ATP1B1: variants seen among roughly 807,000 people sequenced by gnomAD.
ATP1B1 encodes the protein ATPase Na+/K+ transporting subunit beta 1, also known as sodium/potassium-transporting ATPase subunit beta-1.
ATP1B1 carries 3 observed loss-of-function variants against 39.6 expected under a neutral mutation model. That is an observed-to-expected ratio of 0.08 (90% CI 0.03 to 0.20). The LOEUF (loss-of-function observed/expected upper bound fraction) is 0.20. ATP1B1 is among the 10% of genes least tolerant of loss of function. The pLI is 1.00. For synonymous variants in ATP1B1, 139 were observed against 135.0 expected (o/e 1.03, Z -0.20); for missense variants, 216 against 371.1 (o/e 0.58, Z 3.43).
chr1:169,112,550 T>C (rs1419343823), intron 2 of ATP1B1, among the ~76,000 whole-genome samples: 1 of 152,216 alleles, frequency 6.6e-6, no homozygotes, highest in East Asian at 1.9e-4. Context: ...TCAGATGATC[T>C]ACGTGGCCCT....
At chr1:169,115,855 T>C (rs1348684028) in intron 2 of ATP1B1, among the ~76,000 whole-genome samples, 1 of 152,264 alleles carries the variant, frequency 6.6e-6, no homozygotes, top group Non-Finnish European at 1.5e-5. Context: ...TTGTATTTGT[T>C]GTGCAGTCTC....
intron 3 of ATP1B1, 78 bp from the exon 4 acceptor site, chr1:169,127,144 GAC>G: frequency 7.0e-7 from 1 of 1,420,190 alleles, no homozygotes; most frequent in South Asian, 1.6e-5. Flanking sequence ...AGGTAACTAT[GAC>G]AAGGAAGACA....
chr1:169,110,472 G>T, intron 1 of ATP1B1: 1 of 188,364 alleles, frequency 5.3e-6, no homozygotes, highest in Non-Finnish European at 9.9e-6. Context: ...GCCAGGCAAT[G>T]CCTAGTACAG....
At chr1:169,130,653 G>A (rs1267728166) in intron 5 of ATP1B1, among the ~76,000 whole-genome samples, 1 of 151,924 alleles carries the variant, frequency 6.6e-6, no homozygotes, top group African/African-American at 2.4e-5. Context: ...TGGGCGTGGC[G>A]GCGCGTGCCT....
At chr1:169,128,962 A>G (rs983072526) in intron 4 of ATP1B1, among the ~76,000 whole-genome samples, 2 of 152,020 alleles carry the variant, frequency 1.3e-5, no homozygotes, top group Non-Finnish European at 2.9e-5. Context: ...CAAATCTCCA[A>G]CTATTTTGGA....
At chr1:169,127,094 C>A in intron 3 of ATP1B1, 130 bp from the exon 4 acceptor site, 2 of 960,014 alleles carry the variant, frequency 2.1e-6, no homozygotes, top group Non-Finnish European at 2.9e-6. Context: ...TTGCTTAATT[C>A]AGATCATGCA....
chr1:169,129,993 A>G lies in ATP1B1; in HGVS notation c.568-17A>G. ...AATCATTTACAATCTACTGATCATA[A>G]TGGGTTTTATTTTTAGCCTCCCAAG... On this transcript the variant is annotated splice_polypyrimidine_tract_variant and intron_variant, in intron 4 of 5. Transcript: ENST00000367815. 1 of 1,611,446 alleles carries G rather than the reference A, an allele frequency of 6.2e-7. No individual in the cohort carries two copies. Among genetic ancestry groups the G allele is most frequent in the Non-Finnish European group, 8.5e-7 (1 of 1,177,912 alleles).
At chr1:169,107,365 C>T (rs1337225738) in intron 1 of ATP1B1, among the ~76,000 whole-genome samples, 1 of 152,102 alleles carries the variant, frequency 6.6e-6, no homozygotes, top group Admixed American at 6.5e-5. Context: ...TTGTGTGTTA[C>T]AGCATCTTTC....
At position 169,131,584 on chromosome 1, in the gene ATP1B1, A is replaced by G; in HGVS notation, c.*29A>G. 6.3e-7 allele frequency: 1 copy of G among 1,582,156 alleles called. No individual in the cohort carries two copies. The highest frequency in any genetic ancestry group is 8.6e-7 in the Non-Finnish European group (1 of 1,167,666). On this transcript the variant is annotated 3_prime_UTR_variant, in exon 6 of 6. Transcript: ENST00000367815. The surrounding 1 kb of genome is among the most constrained non-coding windows in gnomAD (Gnocchi z 4.4). ...CAAGCACAAATCTTTCCCACTAGCC[A>G]TTTAATAAGTTAAAAAAAGATACAA... is the stretch of plus-strand genomic sequence containing the variant.
At position 169,131,714 on chromosome 1, in the gene ATP1B1, A is replaced by G. The variant is rs1658224519; in HGVS notation, c.*159A>G. On this transcript the variant is annotated 3_prime_UTR_variant, in exon 6 of 6. Coordinates refer to ENST00000367815, the MANE Select transcript of ATP1B1 (RefSeq NM_001677.4). This position sits in a 1 kb window ranked among gnomAD's most constrained non-coding sequence, Gnocchi z 4.4. ...CTGCATTTAATAGGTTAGAATGTAA[A>G]TTAAAGTGTAGCAATAGCAACAAAA... The G allele has an allele frequency of 1.2e-6, 1 of 853,112 alleles. No homozygotes were observed. Among genetic ancestry groups the G allele is most frequent in the Non-Finnish European group, 1.7e-6 (1 of 582,158 alleles). The allele number at this position is 853,112 out of a possible 1,614,324, so 52.8% of individuals were successfully genotyped here. A position where few individuals can be genotyped will look rare whatever the true frequency, so the allele number is the denominator to read the frequency against.
intron 2 of ATP1B1, among the ~76,000 whole-genome samples, chr1:169,117,241 T>C (rs1657870652): frequency 6.6e-6 from 1 of 152,182 alleles, no homozygotes; most frequent in African/African-American, 2.4e-5. Flanking sequence ...GTCTACCTGG[T>C]CCCAGAATTT....
Position 169,127,353 on chromosome 1 carries a change from A to G in ATP1B1, c.512A>G (p.Glu171Gly). ...GLNDETYGYK[E>G]GKPCIIIKLN... Reference sequence around the variant, plus strand: ...AATGATGAAACTTATGGCTACAAAGAGGGCAAACCGTGCATTATTATAAAG... The same window carrying G: ...AATGATGAAACTTATGGCTACAAAGGGGGCAAACCGTGCATTATTATAAAG... The change falls in exon 4 of 6, where the codon GAG (glutamate) becomes GGG (glycine). Residue 171 changes from glutamate (E) to glycine (G), a missense_variant. Coordinates refer to ENST00000367815, the MANE Select transcript of ATP1B1 (RefSeq NM_001677.4). 1 of 1,612,266 alleles carries G rather than the reference A, an allele frequency of 6.2e-7. No individual in the cohort carries two copies.
Position 169,131,985 on chromosome 1 carries a change from G to GTAAA in ATP1B1, c.*433_*436dup, listed in dbSNP as rs1049083361. 1 of 315,040 alleles carries GTAAA rather than the reference G, an allele frequency of 3.2e-6. No homozygotes were observed. The highest frequency in any genetic ancestry group is 5.9e-6 in the Non-Finnish European group (1 of 170,630). 19.5% of individuals were successfully genotyped at this position (315,040 alleles called of 1,614,324 possible). On this transcript the variant is annotated 3_prime_UTR_variant, in exon 6 of 6. Transcript: ENST00000367815. This position sits in a 1 kb window ranked among gnomAD's most constrained non-coding sequence, Gnocchi z 4.4. ...GTGAGCAAGGTTTGCTGTCCAAGGT[G>GTAAA]TAAATATTCAACGGGAATAAAACTG...
At chr1:169,112,074 A>G (rs923737815) in intron 2 of ATP1B1, among the ~76,000 whole-genome samples, 5 of 152,220 alleles carry the variant, frequency 3.3e-5, no homozygotes, top group Non-Finnish European at 7.3e-5. Flanking sequence ...AGCTTGAACA[A>G]AGTCACTCTT....
At chr1:169,120,236 T>G (rs1423185419) in intron 2 of ATP1B1, among the ~76,000 whole-genome samples, 1 of 152,182 alleles carries the variant, frequency 6.6e-6, no homozygotes, top group Non-Finnish European at 1.5e-5. Flanking sequence ...TGGCGTGGCC[T>G]CCTGGACATT....
rs1394621561 is a variant in ATP1B1 at position 169,131,540 on chromosome 1, T to A, written c.897T>A (p.Ile299=). ...DRFQGRFDVK[I]EVKS ...TTCAGGGACGTTTTGATGTAAAAAT[T>A]GAAGTTAAGAGCTGATCACAAGCAC... Residue 299 remains isoleucine, a synonymous_variant, in exon 6 of 6, where the codon ATT becomes ATA. Transcript: ENST00000367815. This position sits in a 1 kb window ranked among gnomAD's most constrained non-coding sequence, Gnocchi z 4.4. 1.9e-6 allele frequency: 3 copies of A among 1,613,546 alleles called. No individual in the cohort carries two copies. The highest frequency in any genetic ancestry group is 2.5e-6 in the Non-Finnish European group (3 of 1,179,712).
chr1:169,127,263 A>T lies in ATP1B1; in HGVS notation c.422A>T (p.His141Leu), dbSNP rs1331025057. The T allele has an allele frequency of 6.3e-7, 1 of 1,596,224 alleles. No individual in the cohort carries two copies. Residue 141 changes from histidine (H) to leucine (L), a missense_variant, in exon 4 of 6, where the codon CAT becomes CTT. Transcript: ENST00000367815. ...SEPKERGDFN[H>L]ERGERKVCRF... ...CCGAAAGAACGAGGAGACTTTAATC[A>T]TGAACGAGGAGAGCGAAAGGTCTGC... is the stretch of plus-strand genomic sequence containing the variant.
At position 169,106,890 on chromosome 1, in the gene ATP1B1, A is replaced by G. The variant is rs775861246; in HGVS notation, c.61A>G (p.Lys21Glu). 2.5e-6 allele frequency: 4 copies of G among 1,584,970 alleles called. No individual in the cohort carries two copies. The highest frequency in any genetic ancestry group is 3.4e-6 in the Non-Finnish European group (4 of 1,168,032). ...SWKKFIWNSE[K>E]KEFLGRTGGS... ...GAAGAAATTCATCTGGAACTCAGAG[A>G]AGAAGGAGTTTCTGGGCAGGACCGG... The change falls in exon 1 of 6, where the codon AAG becomes GAG. Residue 21 changes from lysine to glutamate, a missense_variant. By Grantham distance (56) the Lys-to-Glu change is moderately conservative (BLOSUM62 1). Transcript: ENST00000367815.
chr1:169,130,429 T>C (rs1658184696), intron 5 of ATP1B1, among the ~76,000 whole-genome samples: 1 of 147,508 alleles, frequency 6.8e-6, no homozygotes, highest in African/African-American at 2.5e-5. Flanking sequence ...ATTAAAAATT[T>C]GGGGCCAACA....
Sources: gnomAD v4.1 joint callset for allele counts (sites outside exome capture counted in the v4.1 genomes callset) on GRCh38, gnomAD v4.1.1 for gene constraint, Gnocchi (gnomAD v3.1) non-coding constraint, MANE v1.5 for transcripts, NCBI Gene and HGNC (gene_info 2026-07-23, HGNC 2026-07-21) for gene names.